Variants in DNAH9 observed in about 807,000 individuals in gnomAD.
DNAH9 encodes the protein dynein axonemal heavy chain 9, also known as DNAH9 variant protein.
A neutral mutation model predicts 471.6 loss-of-function variants in DNAH9; 345 were observed. The observed-to-expected ratio is 0.73, with a 90% confidence interval of 0.67 to 0.80. The LOEUF is 0.80. Ranked by LOEUF, DNAH9 falls within the 30% of genes least tolerant of loss-of-function variation. The probability of loss-of-function intolerance (pLI) is 0.00; values close to 1 mark genes in which losing one functional copy is unlikely to be tolerated. For missense variants in DNAH9, 5,407 were observed against 5,609.2 expected (o/e 0.96, Z 1.15); for synonymous variants, 2,093 against 2,123.6 (o/e 0.99, Z 0.40).
chr17:11,877,840 T>C (rs1194564071), intron 53 of DNAH9, among the ~76,000 whole-genome samples: 1 of 152,202 alleles, frequency 6.6e-6, no homozygotes, highest in African/African-American at 2.4e-5. Context: ...GTTGAAGCTA[T>C]TCTCCTGCCT....
chr17:11,705,673 C>T (rs1003940690), intron 26 of DNAH9, among the ~76,000 whole-genome samples: 6 of 152,062 alleles, frequency 3.9e-5, no homozygotes, highest in African/African-American at 1.4e-4. Flanking sequence ...AGCAGAATAG[C>T]ATGACTATAG....
At chr17:11,713,197 T>C (rs1028623970) in intron 26 of DNAH9, among the ~76,000 whole-genome samples, 12 of 152,176 alleles carry the variant, frequency 7.9e-5, no homozygotes, top group African/African-American at 2.7e-4. Flanking sequence ...GATAATAGAC[T>C]CCAACTCCAT....
chr17:11,849,966 C>A (rs1170890468), intron 49 of DNAH9, among the ~76,000 whole-genome samples: 1 of 152,128 alleles, frequency 6.6e-6, no homozygotes, highest in Non-Finnish European at 1.5e-5. Flanking sequence ...CCAGGCACTG[C>A]TCTGGGTACA....
Position 11,767,917 on chromosome 17 carries a change from C to T in DNAH9, c.7171-536C>T, listed in dbSNP as rs559470230. On this transcript the variant is annotated intron_variant, in intron 36 of 68. Transcript: ENST00000262442. ...GAACCTTGGAAATCTTTCCAGAAAC[C>T]TCATTTTGCAGACGAGGAGATTGAG... 2.0e-5 allele frequency among the ~76,000 whole-genome samples: 3 copies of T among 152,194 alleles called. No individual in the cohort carries two copies. In the East Asian group the frequency reaches 5.8e-4, roughly 29 times the overall value.
chr17:11,669,769 C>T lies in DNAH9; in HGVS notation c.3328C>T (p.His1110Tyr). 2 of 1,614,052 alleles carry T rather than the reference C, an allele frequency of 1.2e-6. No homozygotes were observed. The highest frequency in any genetic ancestry group is 8.5e-7 in the Non-Finnish European group (1 of 1,179,968). ...IKRWSLLFKQ[H>Y]LVDHVTHSLA... ...GAGGTGGAGCCTCCTGTTCAAACAG[C>T]ATCTTGTGGACCACGTCACTCACAG... Residue 1110 changes from histidine (H) to tyrosine (Y), a missense_variant, in exon 17 of 69, where the codon CAT (histidine) becomes TAT (tyrosine). Around this residue, in one of 3 missense-constraint regions of DNAH9, gnomAD observed 4,636 missense variants for 4,900.3 expected, o/e 0.95. Transcript: ENST00000262442.
chr17:11,891,708 G>A (rs1004205322), intron 57 of DNAH9, 69 bp from the exon 58 acceptor site: 56 of 1,501,852 alleles, frequency 3.7e-5, no homozygotes, highest in Admixed American at 2.7e-4. Context: ...CACATTCTTC[G>A]CAGGTAAGAC....
rs34314090 is a variant in DNAH9, at chr17:11,708,014, CAGAG to C, written c.5552+2868_5552+2871del. 8.5e-3 allele frequency among the ~76,000 whole-genome samples: 442 copies of C among 52,028 alleles called. 13 individuals are homozygous for C. Among genetic ancestry groups the C allele is most frequent in the African/African-American group, 0.027 (366 of 13,748 alleles). The allele number at this position is 52,028 out of a possible 152,430, so 34.1% of individuals were successfully genotyped here. Reference sequence around the variant, plus strand: ...ACACACACACACACACACACACACACAGAGAGAGAGAGAGAGAGAGAGAGAGAGA... The same window carrying C: ...ACACACACACACACACACACACACACAGAGAGAGAGAGAGAGAGAGAGAGA... On this transcript the variant is annotated intron_variant, in intron 26 of 68. Transcript: ENST00000262442.
In DNAH9 at chr17:11,694,333, T is replaced by C. The variant is rs2074390218; in HGVS notation, c.4758T>C (p.Cys1586=). ...LEDIQGRLCL[C]EKALAEYLDT... ...TCTGTGCCCTCAGATTGTGCCTGTG[T>C]GAGAAGGCCCTGGCAGAGTACCTCG... The change falls in exon 22 of 69, where the codon TGT becomes TGC. Residue 1586 remains cysteine, a synonymous_variant. Coordinates refer to ENST00000262442, the MANE Select transcript of DNAH9 (RefSeq NM_001372.4). 6.2e-7 allele frequency: 1 copy of C among 1,613,972 alleles called. No individual in the cohort carries two copies. Among genetic ancestry groups the C allele is most frequent in the African/African-American group, 1.3e-5 (1 of 74,984 alleles).
In DNAH9 at chr17:11,778,738, G is replaced by A. The variant is rs550202531; in HGVS notation, c.7553-2271G>A. Among the ~76,000 whole-genome samples, 27 of 152,200 alleles carry A rather than the reference G, an allele frequency of 1.8e-4. 1 individual carries two copies. The highest frequency in any genetic ancestry group is 1.7e-3 in the Admixed American group (26 of 15,294). ...AATTAAATTGCAGGCCGGGCACAGT[G>A]GCTCGTGCCTGTAATCCCAGCACTT... On this transcript the variant is annotated intron_variant, in intron 38 of 68. Transcript: ENST00000262442.
chr17:11,848,306 GA>G (rs942150236), intron 49 of DNAH9, among the ~76,000 whole-genome samples: 12 of 151,730 alleles, frequency 7.9e-5, no homozygotes, highest in Admixed American at 4.6e-4. Context: ...TTGTCAACAT[GA>G]AAAAAAAGTT....
intron 38 of DNAH9, among the ~76,000 whole-genome samples, chr17:11,774,612 A>G (rs1193928000): frequency 3.3e-5 from 5 of 152,186 alleles, no homozygotes; most frequent in Admixed American, 1.3e-4. Context: ...CGTCCTCATG[A>G]TTCAATTACC....
intron 5 of DNAH9, among the ~76,000 whole-genome samples, chr17:11,617,984 G>A (rs1453719885): frequency 2.0e-5 from 3 of 152,170 alleles, no homozygotes; most frequent in African/African-American, 7.2e-5. Flanking sequence ...AGGCGATGCT[G>A]TACCAATCCC....
chr17:11,656,624 C>T (rs193078220), intron 14 of DNAH9, among the ~76,000 whole-genome samples: 44 of 152,222 alleles, frequency 2.9e-4, no homozygotes, highest in Middle Eastern at 3.4e-3. Context: ...TGCAGTACAA[C>T]GTACAGACAA....
At chr17:11,656,405 G>A (rs1389562641) in intron 14 of DNAH9, among the ~76,000 whole-genome samples, 1 of 151,990 alleles carries the variant, frequency 6.6e-6, no homozygotes, top group Non-Finnish European at 1.5e-5. Context: ...ACTTTTTGAT[G>A]GGATTGTTTG....
Position 11,598,876 on chromosome 17 carries a change from C to T in DNAH9, c.378C>T (p.Pro126=), listed in dbSNP as rs1337558771. The change falls in exon 1 of 69, where the codon CCC becomes CCT. Residue 126 remains proline, a synonymous_variant. Coordinates refer to ENST00000262442, the MANE Select transcript of DNAH9 (RefSeq NM_001372.4). ...FRGAVVCGDL[P]AAPLEHLAAL... ...GCGCAGTGGTCTGCGGGGACCTGCC[C>T]GCGGCACCTCTGGAGCACCTAGCCG... 4.5e-6 allele frequency: 7 copies of T among 1,541,776 alleles called. No homozygotes were observed. The Admixed American group carries it at 9.2e-5, about 20-fold the overall frequency.
At position 11,611,724 on chromosome 17, in the gene DNAH9, A is replaced by G. The variant is rs1430306460; in HGVS notation, c.848A>G (p.Lys283Arg). The G allele has an allele frequency of 4.3e-6, 7 of 1,613,936 alleles. No individual in the cohort carries two copies. The highest frequency in any genetic ancestry group is 1.7e-5 in the Admixed American group (1 of 60,006). The part of the protein sequence containing the change: ...TVRGMAKLLD[K>R]LQSSYFPAFK... Reference sequence around the variant, plus strand: ...AGGGGCATGGCCAAGCTCCTGGACAAGCTTCAGAGTAGCTACTTTCCAGCT... The same window carrying G: ...AGGGGCATGGCCAAGCTCCTGGACAGGCTTCAGAGTAGCTACTTTCCAGCT... Residue 283 changes from lysine to arginine, a missense_variant, in exon 4 of 69, where the codon AAG (lysine) becomes AGG (arginine). Physicochemically the swap from Lys to Arg is conservative, Grantham distance 26. This residue lies in a region of DNAH9 where 767 missense variants were observed against 692.5 expected (regional missense o/e 1.11). Coordinates refer to ENST00000262442, the MANE Select transcript of DNAH9 (RefSeq NM_001372.4).
intron 1 of DNAH9, among the ~76,000 whole-genome samples, chr17:11,599,535 AT>A (rs1164321036): frequency 6.6e-6 from 1 of 152,186 alleles, no homozygotes; most frequent in Non-Finnish European, 1.5e-5. Flanking sequence ...TTGGGCTCCC[AT>A]TTGGAAATGC....
At chr17:11,666,631 G>A (rs191956533) in intron 15 of DNAH9, among the ~76,000 whole-genome samples, 57 of 152,318 alleles carry the variant, frequency 3.7e-4, no homozygotes, top group Middle Eastern at 6.8e-3. Flanking sequence ...AAGTAAAGGA[G>A]CCTAAAGGGG....
chr17:11,738,953 A>C lies in DNAH9; in HGVS notation c.5888A>C (p.Asn1963Thr). The stretch of plus-strand genomic sequence containing the variant: ...TTCCTTGGGGAGGAGATCAGCCTGA[A>C]TCCTTCTGTCGGTATCTTCATCACC... ...FSFLGEEISL[N>T]PSVGIFITMN... is the part of the protein sequence containing the mutation. Residue 1963 changes from asparagine to threonine, a missense_variant, in exon 29 of 69, where the codon AAT becomes ACT. By Grantham distance (65) the Asn-to-Thr change is moderately conservative (BLOSUM62 0). Around this residue, in one of 3 missense-constraint regions of DNAH9, gnomAD observed 4,636 missense variants for 4,900.3 expected, o/e 0.95. Coordinates refer to ENST00000262442, the MANE Select transcript of DNAH9 (RefSeq NM_001372.4). 3 of 1,614,104 alleles carry C rather than the reference A, an allele frequency of 1.9e-6. No individual in the cohort carries two copies. In the South Asian group the frequency reaches 3.3e-5, roughly 18 times the overall value.
Sources: gnomAD v4.1 joint callset for allele counts (sites outside exome capture counted in the v4.1 genomes callset) on GRCh38, gnomAD v4.1.1 for gene constraint, gnomAD v4.1.1 regional missense constraint, MANE v1.5 for transcripts, NCBI Gene and HGNC (gene_info 2026-07-23, HGNC 2026-07-21) for gene names.